The following IQCJ variants were observed in gnomAD, a reference collection of about 807,000 sequenced individuals.
IQCJ encodes IQ domain-containing protein J.
In IQCJ, 9 loss-of-function variants were observed where a neutral mutation model predicts 11.0. The ratio of observed to expected loss-of-function variants is 0.82; its 90% CI spans 0.49 to 1.43. IQCJ has a LOEUF of 1.43. Ranked by LOEUF, IQCJ falls within the 40% of genes most tolerant of loss-of-function variation. The pLI is 0.00. For missense variants in IQCJ, 146 were observed against 133.2 expected (o/e 1.10, Z -0.47); for synonymous variants, 55 against 51.3 (o/e 1.07, Z -0.31).
At chr3:159,201,673 C>A (rs893220100) in intron 1 of IQCJ, among the ~76,000 whole-genome samples, 1 of 118,190 alleles carries the variant, frequency 8.5e-6, no homozygotes, top group African/African-American at 3.3e-5. Context: ...CTCGCTCTGT[C>A]GCCCAGGCTG....
chr3:159,151,393 C>T (rs959136156), intron 1 of IQCJ, among the ~76,000 whole-genome samples: 4 of 152,146 alleles, frequency 2.6e-5, no homozygotes, highest in Non-Finnish European at 4.4e-5. Context: ...CTGACTGGCT[C>T]GGCTCTGTCC....
chr3:159,146,712 C>T (rs1046182118), intron 1 of IQCJ, among the ~76,000 whole-genome samples: 3 of 151,922 alleles, frequency 2.0e-5, no homozygotes, highest in African/African-American at 4.8e-5. Flanking sequence ...TGGAAAGGAC[C>T]GTAATAATTT....
intron 1 of IQCJ, among the ~76,000 whole-genome samples, chr3:159,177,785 A>G (rs1026815005): frequency 6.6e-6 from 1 of 152,224 alleles, no homozygotes; most frequent in Non-Finnish European, 1.5e-5. Flanking sequence ...GTATTGGGTA[A>G]TTAGTGAATG....
At chr3:159,084,970 G>T (rs557638483) in intron 1 of IQCJ, among the ~76,000 whole-genome samples, 3 of 151,672 alleles carry the variant, frequency 2.0e-5, no homozygotes, top group Non-Finnish European at 4.4e-5. Context: ...ACAATGTGCA[G>T]GTTAGTTACA....
intron 1 of IQCJ, among the ~76,000 whole-genome samples, chr3:159,206,596 G>A (rs936188782): frequency 2.0e-5 from 3 of 152,192 alleles, no homozygotes; most frequent in Non-Finnish European, 4.4e-5. Flanking sequence ...AGTGGATAAT[G>A]TGTGTTCATC....
chr3:159,192,900 TAGA>T (rs1238591887), intron 1 of IQCJ, among the ~76,000 whole-genome samples: 1 of 152,166 alleles, frequency 6.6e-6, no homozygotes, highest in Non-Finnish European at 1.5e-5. Context: ...AGAAGAAGGT[TAGA>T]AGAAGAACCT....
At chr3:159,133,367 CAT>C (rs1319127523) in intron 1 of IQCJ, among the ~76,000 whole-genome samples, 2 of 152,310 alleles carry the variant, frequency 1.3e-5, no homozygotes, top group South Asian at 4.1e-4. Context: ...TCTTAGAAAA[CAT>C]GTGAAGGTGA....
intron 1 of IQCJ, among the ~76,000 whole-genome samples, chr3:159,167,523 A>G (rs1213428115): frequency 6.6e-6 from 1 of 152,220 alleles, no homozygotes; most frequent in African/African-American, 2.4e-5. Context: ...TTAGCTTAAA[A>G]TGTTGTCCTT....
intron 1 of IQCJ, among the ~76,000 whole-genome samples, chr3:159,091,988 A>G (rs918886826): frequency 6.6e-6 from 1 of 151,780 alleles, no homozygotes; most frequent in Non-Finnish European, 1.5e-5. Flanking sequence ...GGATGCTAAA[A>G]TCATTTTAGG....
At chr3:159,220,963 T>C (rs1725501608) in intron 1 of IQCJ, among the ~76,000 whole-genome samples, 1 of 152,016 alleles carries the variant, frequency 6.6e-6, no homozygotes, top group Admixed American at 6.6e-5. Flanking sequence ...GAATTTGAGC[T>C]CAGAGCAGAA....
At chr3:159,238,405 A>G (rs899273460) in intron 1 of IQCJ, among the ~76,000 whole-genome samples, 2 of 152,226 alleles carry the variant, frequency 1.3e-5, no homozygotes, top group Non-Finnish European at 2.9e-5. Context: ...CAGGCAGACA[A>G]TAGCAGACGA....
intron 1 of IQCJ, among the ~76,000 whole-genome samples, chr3:159,108,856 GCTGTCT>G (rs1718435555): frequency 6.6e-6 from 1 of 152,124 alleles, no homozygotes; most frequent in Non-Finnish European, 1.5e-5. Flanking sequence ...TTTGTCTTCA[GCTGTCT>G]AGGAAACTAC....
chr3:159,134,468 T>C (rs1421076848), intron 1 of IQCJ, among the ~76,000 whole-genome samples: 1 of 152,152 alleles, frequency 6.6e-6, no homozygotes, highest in Non-Finnish European at 1.5e-5. Context: ...GCTTTTATGA[T>C]TACACATTTA....
intron 1 of IQCJ, among the ~76,000 whole-genome samples, chr3:159,141,403 T>G (rs1446111793): frequency 1.3e-5 from 2 of 152,150 alleles, no homozygotes; most frequent in African/African-American, 4.8e-5. Flanking sequence ...ATGAGTATAC[T>G]CAGATTTGTG....
At chr3:159,199,518 GTGT>G (rs1724189170) in intron 1 of IQCJ, among the ~76,000 whole-genome samples, 1 of 152,100 alleles carries the variant, frequency 6.6e-6, no homozygotes, top group Non-Finnish European at 1.5e-5. Context: ...GAATAAATTT[GTGT>G]TGTTTTAAAC....
At chr3:159,147,968 A>G (rs1053936772) in intron 1 of IQCJ, among the ~76,000 whole-genome samples, 1 of 152,238 alleles carries the variant, frequency 6.6e-6, no homozygotes, top group African/African-American at 2.4e-5. Context: ...AGCAGCATCA[A>G]CAGCGCCTAG....
chr3:159,210,430 G>A (rs1341964419), intron 1 of IQCJ, among the ~76,000 whole-genome samples: 1 of 152,136 alleles, frequency 6.6e-6, no homozygotes, highest in Non-Finnish European at 1.5e-5. Flanking sequence ...GTTAATTTGA[G>A]TTATATAGTT....
At chr3:159,245,458 C>CTTTT (rs34153369) in intron 1 of IQCJ, among the ~76,000 whole-genome samples, 266 of 113,036 alleles carry the variant, frequency 2.4e-3, no homozygotes, top group South Asian at 3.4e-3. Flanking sequence ...GTCCTGAATT[C>CTTTT]TTTTTTTTTT....
chr3:159,203,668 G>C (rs1724483334), intron 1 of IQCJ, among the ~76,000 whole-genome samples: 1 of 152,138 alleles, frequency 6.6e-6, no homozygotes, highest in African/African-American at 2.4e-5. Flanking sequence ...GTGTGAGAGA[G>C]AGAAGCGGGG....
Sources: allele counts gnomAD v4.1 joint callset (sites outside exome capture counted in the v4.1 genomes callset), GRCh38; gene constraint gnomAD v4.1.1; transcripts MANE v1.5; gene names NCBI Gene and HGNC (gene_info 2026-07-23, HGNC 2026-07-21).